The following KCNG3 variants were observed in gnomAD, a reference collection of about 807,000 sequenced individuals.
KCNG3 encodes voltage-gated potassium channel regulatory subunit KCNG3.
A neutral mutation model predicts 29.0 loss-of-function variants in KCNG3; 15 were observed. That is an observed-to-expected ratio of 0.52 (90% CI 0.35 to 0.80). The LOEUF (loss-of-function observed/expected upper bound fraction) is 0.80. KCNG3 is among the 30% of genes least tolerant of loss of function. The pLI is 0.01. For missense variants in KCNG3, 512 were observed against 605.7 expected, an observed-to-expected ratio of 0.85 and a Z score of 1.62; for synonymous variants, 322 against 248.9, an observed-to-expected ratio of 1.29 and a Z score of -2.76.
chr2:42,488,294 C>T (rs1447710141), intron 1 of KCNG3, among the ~76,000 whole-genome samples: 2 of 152,114 alleles, frequency 1.3e-5, no homozygotes, highest in Non-Finnish European at 2.9e-5. Flanking sequence ...GCCAAAATTT[C>T]GGAGGTTCAT....
rs1672529074 is a variant in KCNG3, at chr2:42,443,404, G to A, written c.*530C>T. 1 of 152,628 alleles carries A rather than the reference G, an allele frequency of 6.6e-6. No homozygotes were observed. Among genetic ancestry groups the A allele is most frequent in the Non-Finnish European group, 1.5e-5 (1 of 68,070 alleles). 9.5% of individuals were successfully genotyped at this position (152,628 alleles called of 1,614,324 possible). A position where few individuals can be genotyped will look rare whatever the true frequency, so the allele number is the denominator to read the frequency against. On this transcript the variant is annotated 3_prime_UTR_variant, in exon 2 of 2. Coordinates refer to ENST00000306078, the MANE Select transcript of KCNG3 (RefSeq NM_133329.6). ...AGTCTTTCAAATACTATTCTTGCTTGTATCTAGCTCCATTATACAGTTTAA... is the reference window on the plus strand; with the variant it reads ...AGTCTTTCAAATACTATTCTTGCTTATATCTAGCTCCATTATACAGTTTAA...
At chr2:42,434,182 T>C in the KCNG3 span, among the ~76,000 whole-genome samples, 7 of 152,114 alleles carry the variant, frequency 4.6e-5, no homozygotes, top group African/African-American at 1.4e-4. Flanking sequence ...CCAGGCACTG[T>C]AGCCTACACC....
the KCNG3 span, chr2:42,425,052 C>A: frequency 2.6e-5 from 4 of 152,194 alleles, no homozygotes; most frequent in African/African-American, 9.7e-5. Context: ...CCTGGCGCTG[C>A]GGGCCTGCTT....
the KCNG3 span, among the ~76,000 whole-genome samples, chr2:42,417,651 T>C: frequency 6.6e-6 from 1 of 152,138 alleles, no homozygotes; most frequent in Non-Finnish European, 1.5e-5. Context: ...TACGTGCTCA[T>C]TGTTTTTCTT....
intron 1 of KCNG3, among the ~76,000 whole-genome samples, chr2:42,477,558 G>C (rs1311963949): frequency 6.6e-6 from 1 of 150,720 alleles, no homozygotes; most frequent in East Asian, 2.0e-4. Context: ...CTCCCAAGTA[G>C]CTGGTCAATA....
At chr2:42,391,540 A>T in the KCNG3 span, among the ~76,000 whole-genome samples, 3 of 151,906 alleles carry the variant, frequency 2.0e-5, no homozygotes. Context: ...CCTTCTCAAT[A>T]ATCAAGAGTA....
At chr2:42,436,394 T>C in the KCNG3 span, among the ~76,000 whole-genome samples, 1 of 152,234 alleles carries the variant, frequency 6.6e-6, no homozygotes, top group East Asian at 1.9e-4. Flanking sequence ...TTATGTCTCA[T>C]CTTTTTTAAA....
At chr2:42,416,966 C>T in the KCNG3 span, among the ~76,000 whole-genome samples, 4 of 148,492 alleles carry the variant, frequency 2.7e-5, no homozygotes, top group Non-Finnish European at 6.0e-5. Flanking sequence ...AACATAAATT[C>T]GTCCTGGCAC....
At chr2:42,488,295 G>C (rs1000606314) in intron 1 of KCNG3, among the ~76,000 whole-genome samples, 12 of 152,086 alleles carry the variant, frequency 7.9e-5, no homozygotes, top group Admixed American at 3.9e-4. Flanking sequence ...CCAAAATTTC[G>C]GAGGTTCATA....
the KCNG3 span, among the ~76,000 whole-genome samples, chr2:42,393,665 G>C: frequency 2.6e-5 from 4 of 152,146 alleles, no homozygotes; most frequent in African/African-American, 9.7e-5. Context: ...GCTTCTTCAA[G>C]ATTACCTCAT....
At chr2:42,458,170 T>C (rs1021329332) in intron 1 of KCNG3, among the ~76,000 whole-genome samples, 24 of 152,274 alleles carry the variant, frequency 1.6e-4, no homozygotes, top group African/African-American at 5.3e-4. Context: ...ACAACGATAA[T>C]GATGAATGAA....
the KCNG3 span, among the ~76,000 whole-genome samples, chr2:42,412,937 TTTA>T: frequency 6.6e-5 from 10 of 152,140 alleles, no homozygotes; most frequent in African/African-American, 2.4e-4. Flanking sequence ...TTCTTTTTTA[TTTA>T]TTTTTATTTA....
the KCNG3 span, among the ~76,000 whole-genome samples, chr2:42,389,832 T>G: frequency 3.9e-5 from 6 of 152,370 alleles, no homozygotes; most frequent in Middle Eastern, 3.4e-3. Context: ...CATCACTTTT[T>G]AAATCTTATT....
rs778013069 is a variant in KCNG3 at position 42,444,037 on chromosome 2, A to G, written c.1208T>C (p.Leu403Ser). ...CVVSGIVLLALPITFIYHSFV... is the reference protein window; with the variant it reads ...CVVSGIVLLASPITFIYHSFV... Reference sequence around the variant, plus strand: ...GCTATGGTAGATAAAAGTGATAGGTAATGCCAATAGAACAATTCCACTGAC... The same window carrying G: ...GCTATGGTAGATAAAAGTGATAGGTGATGCCAATAGAACAATTCCACTGAC... The change falls in exon 2 of 2, where the codon TTA becomes TCA. Residue 403 changes from leucine to serine, a missense_variant. Leu to Ser is a moderately radical substitution (Grantham distance 145, BLOSUM62 -2). Transcript: ENST00000306078. This position sits in a 1 kb window ranked among gnomAD's most constrained non-coding sequence, Gnocchi z 5.8. 2.5e-6 allele frequency: 4 copies of G among 1,614,118 alleles called. No homozygotes were observed.
chr2:42,473,791 CTT>C (rs1216405816), intron 1 of KCNG3, among the ~76,000 whole-genome samples: 3 of 151,992 alleles, frequency 2.0e-5, no homozygotes, highest in African/African-American at 4.8e-5. Context: ...ATTTTCAACA[CTT>C]ATATTAGAAA....
At chr2:42,431,629 T>C in the KCNG3 span, among the ~76,000 whole-genome samples, 1 of 152,226 alleles carries the variant, frequency 6.6e-6, no homozygotes, top group South Asian at 2.1e-4. Flanking sequence ...TCCAACCATT[T>C]GAGGAAATGT....
intron 1 of KCNG3, among the ~76,000 whole-genome samples, chr2:42,481,701 C>T (rs116692791): frequency 7.3e-4 from 111 of 152,288 alleles, no homozygotes; most frequent in African/African-American, 2.6e-3. Context: ...TCACCTCTCT[C>T]GGTTTCCTTC....
chr2:42,431,527 A>G, the KCNG3 span, among the ~76,000 whole-genome samples: 10 of 152,214 alleles, frequency 6.6e-5, no homozygotes, highest in African/African-American at 2.4e-4. Flanking sequence ...TATTCACTCA[A>G]AAACAACATT....
intron 1 of KCNG3, among the ~76,000 whole-genome samples, chr2:42,477,641 G>C (rs993464529): frequency 4.6e-5 from 7 of 151,884 alleles, no homozygotes; most frequent in African/African-American, 1.5e-4. Flanking sequence ...CACTTTGGGA[G>C]GCCGAGGTGG....
Sources: gnomAD v4.1 joint callset for allele counts (sites outside exome capture counted in the v4.1 genomes callset) on GRCh38, gnomAD v4.1.1 for gene constraint, Gnocchi (gnomAD v3.1) non-coding constraint, MANE v1.5 for transcripts, NCBI Gene and HGNC (gene_info 2026-07-23, HGNC 2026-07-21) for gene names.